FHAD1: variants seen among roughly 807,000 people sequenced by gnomAD.
FHAD1 encodes forkhead associated phosphopeptide binding domain 1.
A neutral mutation model predicts 191.3 loss-of-function variants in FHAD1; 146 were observed. The ratio of observed to expected loss-of-function variants is 0.76; its 90% CI spans 0.67 to 0.88. The LOEUF (loss-of-function observed/expected upper bound fraction) is 0.88. Ranked by LOEUF, FHAD1 falls within the 40% of genes least tolerant of loss-of-function variation. The pLI is 0.00. For synonymous variants in FHAD1, 616 were observed against 672.3 expected, an observed-to-expected ratio of 0.92 and a Z score of 1.29; for missense variants, 1,635 against 1,785.8, an observed-to-expected ratio of 0.92 and a Z score of 1.52.
intron 28 of FHAD1, among the ~76,000 whole-genome samples, chr1:15,376,870 T>A (rs569572002): frequency 2.0e-5 from 3 of 152,080 alleles, no homozygotes; most frequent in Non-Finnish European, 4.4e-5. Flanking sequence ...ACCCCATCTC[T>A]ACAAAAAAAT....
intron 19 of FHAD1, among the ~76,000 whole-genome samples, 200 bp from the exon 20 acceptor site, chr1:15,352,677 C>T (rs1375142359): frequency 6.6e-6 from 1 of 152,172 alleles, no homozygotes; most frequent in African/African-American, 2.4e-5. Context: ...ACACACGTGA[C>T]TAAGATATGG....
chr1:15,259,202 T>C (rs987624667), intron 2 of FHAD1, among the ~76,000 whole-genome samples: 66 of 152,156 alleles, frequency 4.3e-4, no homozygotes, highest in African/African-American at 1.4e-3. Flanking sequence ...GCACAGATAA[T>C]ACAAACGGCC....
intron 2 of FHAD1, among the ~76,000 whole-genome samples, chr1:15,255,851 G>A (rs1647783015): frequency 6.6e-6 from 1 of 152,220 alleles, no homozygotes; most frequent in Non-Finnish European, 1.5e-5. Flanking sequence ...AGAGCTAAGA[G>A]CCAGGCAGGA....
intron 28 of FHAD1, among the ~76,000 whole-genome samples, chr1:15,377,523 C>T (rs531758658): frequency 6.6e-6 from 1 of 152,362 alleles, no homozygotes; most frequent in South Asian, 2.1e-4. Flanking sequence ...TCTTCCGACA[C>T]AACACTGGCA....
Position 15,345,518 on chromosome 1 carries a change from A to AAGG in FHAD1, c.2345_2346+1dup. ...GCTGGAGGAACGCTTGGCCCGCCAG[A>AAGG]AGGAGGTACGCTCGGGGAGATAGAG... On this transcript the variant is annotated inframe_insertion, in exon 18 of 34. Coordinates refer to ENST00000688493, the MANE Select transcript of FHAD1 (RefSeq NM_001391957.1). 6.4e-7 allele frequency: 1 copy of AAGG among 1,551,806 alleles called. No homozygotes were observed. Among genetic ancestry groups the AAGG allele is most frequent in the Non-Finnish European group, 8.7e-7 (1 of 1,146,892 alleles).
At chr1:15,255,470 G>C (rs1207624863) in intron 2 of FHAD1, among the ~76,000 whole-genome samples, 1 of 152,116 alleles carries the variant, frequency 6.6e-6, no homozygotes. Context: ...TATCATGAAA[G>C]GAGTTTGGTT....
intron 6 of FHAD1, among the ~76,000 whole-genome samples, chr1:15,306,675 G>C (rs1670598921): frequency 6.6e-6 from 1 of 152,248 alleles, no homozygotes; most frequent in Non-Finnish European, 1.5e-5. Context: ...TGGCTTCAGA[G>C]GGTGGAAGCC....
intron 8 of FHAD1, 27 bp downstream of exon 8, chr1:15,313,214 G>T (rs1420896361): frequency 6.5e-7 from 1 of 1,547,690 alleles, no homozygotes; most frequent in Non-Finnish European, 8.7e-7. Context: ...GCGTCACCTT[G>T]TAGCCATCCG....
Position 15,317,289 on chromosome 1 carries a change from C to T in FHAD1, c.1261-535C>T, listed in dbSNP as rs539066079. ...AAAGTCAAAGGAGGTGTATTCCTGACGCCCTCCGAATCCACCCTGCACATC... is the reference window on the plus strand; with the variant it reads ...AAAGTCAAAGGAGGTGTATTCCTGATGCCCTCCGAATCCACCCTGCACATC... On this transcript the variant is annotated intron_variant, in intron 9 of 33. Transcript: ENST00000688493. Among the ~76,000 whole-genome samples the T allele has an allele frequency of 5.3e-5, 8 of 152,322 alleles. No individual in the cohort carries two copies. The East Asian group carries it at 7.7e-4, about 15-fold the overall frequency.
intron 18 of FHAD1, among the ~76,000 whole-genome samples, chr1:15,348,654 T>A (rs2102412999): frequency 6.6e-6 from 1 of 152,326 alleles, no homozygotes; most frequent in South Asian, 2.1e-4. Context: ...AGACTCTTCT[T>A]TTGATCAGAG....
intron 33 of FHAD1, among the ~76,000 whole-genome samples, chr1:15,396,940 T>A (rs572960116): frequency 4.3e-4 from 65 of 151,480 alleles, no homozygotes; most frequent in Non-Finnish European, 8.4e-4. Context: ...ATCTCAGCAC[T>A]TTGGGAGGCC....
At chr1:15,310,227 C>T (rs540523253) in intron 7 of FHAD1, among the ~76,000 whole-genome samples, 3 of 152,208 alleles carry the variant, frequency 2.0e-5, no homozygotes, top group Non-Finnish European at 2.9e-5. Flanking sequence ...GAAAGCAGAG[C>T]GTAGCATTGA....
intron 18 of FHAD1, among the ~76,000 whole-genome samples, chr1:15,346,769 C>T (rs745474846): frequency 1.3e-5 from 2 of 152,334 alleles, no homozygotes; most frequent in African/African-American, 2.4e-5. Flanking sequence ...GCTTTGCAGC[C>T]AGATGAGACA....
chr1:15,374,848 G>GTTTTTGGTTTTTTTTTTTTTTT (rs1699106627), intron 27 of FHAD1, among the ~76,000 whole-genome samples: 1 of 107,654 alleles, frequency 9.3e-6, no homozygotes, highest in African/African-American at 5.7e-5. Context: ...ACTATTGTAC[G>GTTTTTGGTTTTTTTTTTTTTTT]TTTTTTTTTT....
intron 2 of FHAD1, among the ~76,000 whole-genome samples, chr1:15,261,708 A>G (rs1306302005): frequency 3.9e-5 from 6 of 152,212 alleles, no homozygotes; most frequent in Admixed American, 3.9e-4. Flanking sequence ...CAGTCTTACC[A>G]GAGCCCTGGC....
intron 28 of FHAD1, among the ~76,000 whole-genome samples, chr1:15,379,286 T>C (rs1231381509): frequency 6.6e-6 from 1 of 152,098 alleles, no homozygotes; most frequent in East Asian, 1.9e-4. Flanking sequence ...TGAGCAAAGG[T>C]CTTTGCATCA....
At chr1:15,283,263 G>T (rs564273985) in intron 3 of FHAD1, among the ~76,000 whole-genome samples, 1 of 152,292 alleles carries the variant, frequency 6.6e-6, no homozygotes, top group South Asian at 2.1e-4. Flanking sequence ...TGCTTCCACT[G>T]CGGCCCTGTT....
At chr1:15,292,591 G>A (rs888958792) in intron 4 of FHAD1, among the ~76,000 whole-genome samples, 5 of 152,268 alleles carry the variant, frequency 3.3e-5, no homozygotes, top group Admixed American at 3.3e-4. Context: ...CGCCTTTAAA[G>A]AGGTAATTAA....
At chr1:15,331,729 A>G (rs1043894220) in intron 14 of FHAD1, among the ~76,000 whole-genome samples, 2 of 151,798 alleles carry the variant, frequency 1.3e-5, no homozygotes, top group African/African-American at 4.8e-5. Context: ...GAGGGAAGGC[A>G]GGAAGGCAGG....
Sources: gnomAD v4.1 joint callset for allele counts (sites outside exome capture counted in the v4.1 genomes callset) on GRCh38, gnomAD v4.1.1 for gene constraint, MANE v1.5 for transcripts, NCBI Gene and HGNC (gene_info 2026-07-23, HGNC 2026-07-21) for gene names.